SEC14L6: variants seen among roughly 807,000 people sequenced by gnomAD.
The protein encoded by SEC14L6 is SEC14-like protein 6.
In SEC14L6, 40 loss-of-function variants were observed where a neutral mutation model predicts 54.1. The ratio of observed to expected loss-of-function variants is 0.74; its 90% CI spans 0.57 to 0.96. SEC14L6 has a LOEUF of 0.96. SEC14L6 is among the 40% of genes least tolerant of loss of function. The pLI is 0.00. For synonymous variants in SEC14L6, 171 were observed against 198.4 expected (o/e 0.86, Z 1.16); for missense variants, 471 against 498.3 (o/e 0.95, Z 0.52).
Position 30,525,938 on chromosome 22 carries a change from T to A in SEC14L6, c.665-6A>T, listed in dbSNP as rs778370989. 1 of 1,594,042 alleles carries A rather than the reference T, an allele frequency of 6.3e-7. No individual in the cohort carries two copies. Among genetic ancestry groups the A allele is most frequent in the Non-Finnish European group, 8.6e-7 (1 of 1,168,970 alleles). Reference sequence around the variant, plus strand: ...CAGCTCCTGCTTCCAGTTGTCTGCATGGGAGCAAGAGAGGGACTCCAAAGG... The same window carrying A: ...CAGCTCCTGCTTCCAGTTGTCTGCAAGGGAGCAAGAGAGGGACTCCAAAGG... On this transcript the variant is annotated splice_region_variant and splice_polypyrimidine_tract_variant and intron_variant, in intron 8 of 11. Transcript: ENST00000402034.
intron 1 of SEC14L6, chr22:30,542,985 C>T: frequency 6.2e-7 from 1 of 1,601,970 alleles, no homozygotes; most frequent in Non-Finnish European, 8.5e-7. Context: ...CTGGAGCAGG[C>T]ACTGAGCTGT....
chr22:30,534,634 C>A (rs955618066), intron 2 of SEC14L6, among the ~76,000 whole-genome samples: 3 of 151,952 alleles, frequency 2.0e-5, no homozygotes, highest in African/African-American at 7.2e-5. Context: ...TGGTCTCGAA[C>A]TCCTTACCTC....
intron 1 of SEC14L6, chr22:30,542,426 C>A (rs1350560450): frequency 9.0e-6 from 4 of 443,754 alleles, no homozygotes; most frequent in Non-Finnish European, 1.5e-5. Context: ...CTTCCCCAGG[C>A]CACCTTAAGA....
chr22:30,532,216 G>T, intron 5 of SEC14L6: 1 of 985,486 alleles, frequency 1.0e-6, no homozygotes, highest in Non-Finnish European at 1.2e-6. Flanking sequence ...AAATCGCTGT[G>T]TTGCAGTTCC....
At chr22:30,537,634 C>G (rs1267495130) in intron 2 of SEC14L6, among the ~76,000 whole-genome samples, 1 of 152,138 alleles carries the variant, frequency 6.6e-6, no homozygotes, top group African/African-American at 2.4e-5. Context: ...CCTAATTTCC[C>G]TAACAGGCCA....
chr22:30,544,670 A>T (rs1354328328), intron 1 of SEC14L6, among the ~76,000 whole-genome samples: 1 of 152,046 alleles, frequency 6.6e-6, no homozygotes, highest in Non-Finnish European at 1.5e-5. Context: ...GGAGGAGAGG[A>T]TCCCTCCCAA....
intron 3 of SEC14L6, chr22:30,533,239 T>A (rs1937042206): frequency 8.0e-6 from 6 of 749,946 alleles, no homozygotes; most frequent in Admixed American, 6.3e-5. Context: ...GGCTGATGTG[T>A]TGGGGCCACC....
intron 2 of SEC14L6, among the ~76,000 whole-genome samples, chr22:30,534,333 C>G (rs1260937421): frequency 6.6e-6 from 1 of 152,188 alleles, no homozygotes; most frequent in Non-Finnish European, 1.5e-5. Flanking sequence ...AATCATAAGG[C>G]TGAGAATTGT....
chr22:30,543,477 A>G (rs1305188272), intron 1 of SEC14L6: 1 of 1,612,378 alleles, frequency 6.2e-7, no homozygotes, highest in African/African-American at 1.3e-5. Context: ...CAACTCTTAC[A>G]GAGAACAAGG....
chr22:30,532,092 G>T, intron 5 of SEC14L6, 94 bp from the exon 6 acceptor site: 1 of 1,483,670 alleles, frequency 6.7e-7, no homozygotes. Context: ...CACTGGCCTG[G>T]CTTGTCTCAG....
chr22:30,537,510 T>G (rs1380328953), intron 2 of SEC14L6, among the ~76,000 whole-genome samples: 3 of 152,086 alleles, frequency 2.0e-5, no homozygotes, highest in African/African-American at 7.2e-5. Flanking sequence ...TCCCAGCTAC[T>G]AGGGAGGCTG....
At chr22:30,532,432 C>T (rs775942599) in intron 5 of SEC14L6, 93 bp downstream of exon 5, 45 of 1,379,144 alleles carry the variant, frequency 3.3e-5, no homozygotes, top group Non-Finnish European at 3.4e-5. Flanking sequence ...AGCCGAGGAG[C>T]CCAGGAGCCC....
intron 1 of SEC14L6, chr22:30,544,112 T>C (rs1352319014): frequency 1.5e-6 from 2 of 1,358,768 alleles, no homozygotes; most frequent in African/African-American, 1.4e-5. Context: ...CTAGCACCCA[T>C]CTCCATGCTC....
At chr22:30,534,111 C>T in intron 2 of SEC14L6, 72 bp from the exon 3 acceptor site, 1 of 1,420,488 alleles carries the variant, frequency 7.0e-7, no homozygotes, top group Non-Finnish European at 9.7e-7. Flanking sequence ...AGACAACGGC[C>T]CTGCCCCACC....
chr22:30,539,210 G>C (rs767891198), intron 1 of SEC14L6, among the ~76,000 whole-genome samples: 8 of 152,084 alleles, frequency 5.3e-5, no homozygotes, highest in Non-Finnish European at 7.4e-5. Flanking sequence ...AACCCTGTCT[G>C]TACTAAAAAT....
intron 6 of SEC14L6, among the ~76,000 whole-genome samples, chr22:30,531,435 A>AAAAG (rs1568966667): frequency 3.7e-4 from 54 of 144,148 alleles, no homozygotes; most frequent in Non-Finnish European, 6.0e-4. Context: ...GAAAAGAAAA[A>AAAAG]AAAAACGGGC....
chr22:30,541,032 A>AT (rs397795027), intron 1 of SEC14L6, among the ~76,000 whole-genome samples: 1 of 151,286 alleles, frequency 6.6e-6, no homozygotes, highest in Non-Finnish European at 1.5e-5. Context: ...AAAAAAAAAA[A>AT]TTCAATTACT....
rs1475073293 is a variant in SEC14L6 at position 30,523,433 on chromosome 22, C to G, written c.*1564G>C. ...GCAGTGGTGCAATCTCAACTCACTG[C>G]AACCTCCGCCTCCTGGGTTCCACAG... On this transcript the variant is annotated 3_prime_UTR_variant, in exon 12 of 12. Transcript: ENST00000402034. 6.6e-6 allele frequency: 1 copy of G among 152,184 alleles called. No individual in the cohort carries two copies. Among genetic ancestry groups the G allele is most frequent in the Non-Finnish European group, 1.5e-5 (1 of 68,076 alleles). The allele number at this position is 152,184 out of a possible 1,614,324, so 9.4% of individuals were successfully genotyped here. A position where few individuals can be genotyped will look rare whatever the true frequency, so the allele number is the denominator to read the frequency against.
intron 1 of SEC14L6, among the ~76,000 whole-genome samples, chr22:30,541,364 T>C (rs941274540): frequency 3.9e-5 from 6 of 152,146 alleles, no homozygotes; most frequent in Non-Finnish European, 8.8e-5. Context: ...CAAAGAGAAA[T>C]AAAAACTGTT....
Sources: gnomAD v4.1 joint callset for allele counts (sites outside exome capture counted in the v4.1 genomes callset) on GRCh38, gnomAD v4.1.1 for gene constraint, MANE v1.5 for transcripts, NCBI Gene and HGNC (gene_info 2026-07-23, HGNC 2026-07-21) for gene names.